RBFOX1: variants seen among roughly 807,000 people sequenced by gnomAD.
RBFOX1 encodes the protein RNA binding protein fox-1 homolog 1.
In RBFOX1, 8 loss-of-function variants were observed where a neutral mutation model predicts 57.7. The observed-to-expected ratio is 0.14, with a 90% confidence interval of 0.08 to 0.25. The LOEUF is 0.25. Among genes scored for constraint, RBFOX1 ranks in the 10% least tolerant of loss-of-function variants. The pLI is 1.00. For missense variants in RBFOX1, 611 were observed against 548.5 expected (o/e 1.11, Z -1.14); for synonymous variants, 326 against 222.4 (o/e 1.47, Z -4.15).
chr16:7,089,068 G>T (rs1261160727), intron 4 of RBFOX1, among the ~76,000 whole-genome samples: 1 of 152,110 alleles, frequency 6.6e-6, no homozygotes, highest in Non-Finnish European at 1.5e-5. Context: ...AGTGAGCCTT[G>T]TCATTTACAC....
chr16:5,983,898 TCTC>T (rs1446081461), intron 4 of RBFOX1, among the ~76,000 whole-genome samples: 3 of 100,416 alleles, frequency 3.0e-5, no homozygotes, highest in Admixed American at 9.7e-5. Context: ...CCCTCCTCGT[TCTC>T]CTCCTCCTCC....
chr16:7,090,678 A>G (rs926204270), intron 4 of RBFOX1, among the ~76,000 whole-genome samples: 6 of 150,984 alleles, frequency 4.0e-5, no homozygotes, highest in Non-Finnish European at 7.3e-5. Flanking sequence ...GTTGCTGTAC[A>G]GGGGAAAGAA....
chr16:7,243,230 C>T (rs948353580), intron 4 of RBFOX1, among the ~76,000 whole-genome samples: 1 of 152,182 alleles, frequency 6.6e-6, no homozygotes, highest in African/African-American at 2.4e-5. Context: ...ACTCCAAGCA[C>T]TTGGCATGAA....
At chr16:5,308,142 C>A (rs963097241) in intron 1 of RBFOX1, among the ~76,000 whole-genome samples, 5 of 151,998 alleles carry the variant, frequency 3.3e-5, no homozygotes, top group African/African-American at 4.8e-5. Context: ...GAGTTCGAGA[C>A]CAGCCTAGCC....
chr16:6,184,108 C>G (rs2097089288), intron 1 of RBFOX1, among the ~76,000 whole-genome samples: 1 of 152,138 alleles, frequency 6.6e-6, no homozygotes, highest in South Asian at 2.1e-4. Context: ...CTTATAAAAC[C>G]ATCCTATCTC....
intron 3 of RBFOX1, among the ~76,000 whole-genome samples, chr16:5,648,677 A>G (rs2049128504): frequency 6.6e-6 from 1 of 152,166 alleles, no homozygotes; most frequent in Non-Finnish European, 1.5e-5. Flanking sequence ...AAAGAAAAAA[A>G]TGCATTTAGA....
At chr16:6,930,333 C>A (rs2076298347) in intron 3 of RBFOX1, among the ~76,000 whole-genome samples, 1 of 152,134 alleles carries the variant, frequency 6.6e-6, no homozygotes, top group African/African-American at 2.4e-5. Context: ...AGATACCTAA[C>A]ATCACTAATC....
At chr16:6,721,755 T>A (rs1162307515) in intron 3 of RBFOX1, 2 of 152,152 alleles carry the variant, frequency 1.3e-5, no homozygotes, top group South Asian at 4.1e-4. Context: ...ATTAATTAAT[T>A]TTTTGACCCA....
chr16:5,440,803 C>T lies in RBFOX1; in HGVS notation c.220-26413C>T, dbSNP rs187014658. Among the ~76,000 whole-genome samples the T allele has an allele frequency of 1.0e-3, 152 of 152,292 alleles. 2 individuals carry two copies. The highest frequency in any genetic ancestry group is 3.2e-3 in the African/African-American group (134 of 41,574). ...AATTTCAACAACACAGAATGAGATT[C>T]TCATGAGCTGGGAGGGATTCCCATG... On this transcript the variant is annotated intron_variant, in intron 1 of 2. Coordinates refer to the RBFOX1 transcript ENST00000585867.
At chr16:7,705,889 G>A (rs1011931266) in intron 14 of RBFOX1, among the ~76,000 whole-genome samples, 3 of 152,154 alleles carry the variant, frequency 2.0e-5, no homozygotes, top group South Asian at 2.1e-4. Context: ...ATGGGAAGTG[G>A]GCACATGGAG....
At chr16:6,643,802 T>C (rs1171306480) in intron 2 of RBFOX1, among the ~76,000 whole-genome samples, 1 of 147,812 alleles carries the variant, frequency 6.8e-6, no homozygotes, top group Non-Finnish European at 1.5e-5. Flanking sequence ...TTGAACTTAT[T>C]CTCAAAATCT....
chr16:5,779,863 T>C (rs537395015), intron 3 of RBFOX1, among the ~76,000 whole-genome samples: 1 of 152,320 alleles, frequency 6.6e-6, no homozygotes, highest in South Asian at 2.1e-4. Flanking sequence ...ACCTTTATAA[T>C]CTGCCTGATC....
intron 3 of RBFOX1, among the ~76,000 whole-genome samples, chr16:6,913,603 T>A (rs1378150481): frequency 6.6e-6 from 1 of 152,108 alleles, no homozygotes; most frequent in African/African-American, 2.4e-5. Flanking sequence ...CCCAAGCTTT[T>A]CCCAGAGCAA....
At chr16:5,263,885 A>C (rs762557338) in intron 1 of RBFOX1, among the ~76,000 whole-genome samples, 5 of 152,228 alleles carry the variant, frequency 3.3e-5, no homozygotes, top group Non-Finnish European at 7.3e-5. Flanking sequence ...AGTGAAGTCT[A>C]CCATAGAGTT....
chr16:7,231,585 C>T (rs1481097653), intron 4 of RBFOX1, among the ~76,000 whole-genome samples: 2 of 152,190 alleles, frequency 1.3e-5, no homozygotes, highest in African/African-American at 2.4e-5. Flanking sequence ...AATCCACATA[C>T]ACAAATGCTT....
intron 2 of RBFOX1, among the ~76,000 whole-genome samples, chr16:5,473,529 G>T (rs569392428): frequency 6.6e-6 from 1 of 151,962 alleles, no homozygotes; most frequent in Non-Finnish European, 1.5e-5. Context: ...AATGCACGTT[G>T]CATGGGTGGG....
At chr16:6,207,005 G>T (rs1451605634) in intron 1 of RBFOX1, among the ~76,000 whole-genome samples, 5 of 142,858 alleles carry the variant, frequency 3.5e-5, no homozygotes, top group Admixed American at 7.0e-5. Context: ...TTTTTCAGGT[G>T]CACTTGCTTA....
intron 2 of RBFOX1, among the ~76,000 whole-genome samples, chr16:6,462,585 G>T (rs1448814207): frequency 1.3e-5 from 2 of 151,910 alleles, no homozygotes; most frequent in Admixed American, 6.6e-5. Context: ...GAAACATTTG[G>T]CACGTATTTC....
intron 1 of RBFOX1, among the ~76,000 whole-genome samples, chr16:5,251,399 T>C (rs1187135661): frequency 6.6e-6 from 1 of 152,222 alleles, no homozygotes; most frequent in Non-Finnish European, 1.5e-5. Flanking sequence ...GGGGCAGGGC[T>C]GTTGCTGATA....
Sources: allele counts gnomAD v4.1 joint callset (sites outside exome capture counted in the v4.1 genomes callset), GRCh38; gene constraint gnomAD v4.1.1; transcripts MANE v1.5; gene names NCBI Gene and HGNC (gene_info 2026-07-23, HGNC 2026-07-21).